PLCG2: variants seen among roughly 807,000 people sequenced by gnomAD.
PLCG2 encodes the protein phospholipase C gamma 2.
Under a neutral mutation model 175.6 loss-of-function variants are expected in PLCG2, and 69 were observed. That is an observed-to-expected ratio of 0.39 (90% confidence interval 0.32 to 0.48). PLCG2 has a LOEUF of 0.48. Ranked by LOEUF, PLCG2 falls within the 20% of genes least tolerant of loss-of-function variation. PLCG2 has a pLI of 0.91. For missense variants in PLCG2, 1,798 were observed against 1,650.9 expected, an observed-to-expected ratio of 1.09 and a Z score of -1.54; for synonymous variants, 827 against 624.0, an observed-to-expected ratio of 1.33 and a Z score of -4.85.
intron 27 of PLCG2, 127 bp downstream of exon 27, chr16:81,936,505 C>T (rs760400294): frequency 6.9e-5 from 51 of 737,876 alleles, no homozygotes; most frequent in South Asian, 1.8e-4. Context: ...AGGGACTGCA[C>T]GGTTCAGCAG....
chr16:81,864,830 G>A (rs1372868048), intron 5 of PLCG2, among the ~76,000 whole-genome samples: 2 of 152,134 alleles, frequency 1.3e-5, no homozygotes, highest in Non-Finnish European at 2.9e-5. Flanking sequence ...GGGGCCTCCC[G>A]GGCTGAGCAG....
At position 81,889,258 on chromosome 16, in the gene PLCG2, C is replaced by T. The variant is rs190687540; in HGVS notation, c.852C>T (p.Phe284=). The T allele has an allele frequency of 3.8e-6, 6 of 1,596,952 alleles. No individual in the cohort carries two copies. In the East Asian group the frequency reaches 1.1e-4, roughly 30 times the overall value. Residue 284 remains phenylalanine (F), a synonymous_variant, in exon 10 of 33, where the codon TTC becomes TTT. Coordinates refer to ENST00000564138, the MANE Select transcript of PLCG2 (RefSeq NM_002661.5). ...DDTMRETAEP[F]LFVDEFLTYL... ...CCATGCGTGAAACTGCTGAGCCTTTCTTGTTTGTGGATGAGGTGAGTAGGC... is the reference window on the plus strand; with the variant it reads ...CCATGCGTGAAACTGCTGAGCCTTTTTTGTTTGTGGATGAGGTGAGTAGGC...
intron 2 of PLCG2, among the ~76,000 whole-genome samples, chr16:81,786,583 G>C (rs1008179971): frequency 1.3e-4 from 20 of 152,156 alleles, no homozygotes; most frequent in Non-Finnish European, 2.8e-4. Context: ...ATGCTACCTT[G>C]TTTTACTGCA....
intron 9 of PLCG2, 67 bp downstream of exon 9, chr16:81,883,408 C>G: frequency 1.5e-6 from 2 of 1,309,628 alleles, no homozygotes; most frequent in Non-Finnish European, 2.2e-6. Context: ...TAGTCTCACC[C>G]TTCTGCCGCC....
At chr16:81,892,606 A>G (rs536586294) in intron 11 of PLCG2, among the ~76,000 whole-genome samples, 1 of 151,764 alleles carries the variant, frequency 6.6e-6, no homozygotes, top group Non-Finnish European at 1.5e-5. Flanking sequence ...GTGTTTCAGC[A>G]TGGTGAATTC....
intron 2 of PLCG2, among the ~76,000 whole-genome samples, chr16:81,840,787 CCT>C (rs1468794248): frequency 6.6e-6 from 1 of 152,178 alleles, no homozygotes; most frequent in African/African-American, 2.4e-5. Context: ...ATTGGGGACC[CCT>C]GTCTTGGAGG....
intron 2 of PLCG2, among the ~76,000 whole-genome samples, chr16:81,818,688 G>A (rs1379528998): frequency 2.0e-5 from 3 of 151,980 alleles, no homozygotes; most frequent in Non-Finnish European, 2.9e-5. Context: ...GGCACTGTGG[G>A]CAGCAGGAAA....
rs114663707 is a variant in PLCG2 at position 81,797,256 on chromosome 16, A to C, written c.193+11074A>C. ...TGAGTTGGGGGAGGGATCTAGTTAA[A>C]GATGTCCCTTGGTGAATCATTTTTG... is the stretch of plus-strand genomic sequence containing the variant. On this transcript the variant is annotated intron_variant, in intron 2 of 32. Coordinates refer to ENST00000564138, the MANE Select transcript of PLCG2 (RefSeq NM_002661.5). Among the ~76,000 whole-genome samples, 923 of 151,748 alleles carry C rather than the reference A, an allele frequency of 6.1e-3. 9 individuals carry two copies. The highest frequency in any genetic ancestry group is 0.021 in the African/African-American group (888 of 41,508).
chr16:81,916,173 C>T (rs11865090), intron 19 of PLCG2, among the ~76,000 whole-genome samples: 9,261 of 151,858 alleles, frequency 0.061, 373 homozygotes, highest in African/African-American at 0.11. Flanking sequence ...AATAAAATAT[C>T]ACTGGAAATA....
At chr16:81,743,269 C>T (rs775755914) in intron 1 of PLCG2, among the ~76,000 whole-genome samples, 3 of 152,216 alleles carry the variant, frequency 2.0e-5, no homozygotes, top group South Asian at 2.1e-4. Flanking sequence ...GAGGTTCACA[C>T]GAGCATGGGA....
chr16:81,767,650 T>C (rs1031679743), intron 2 of PLCG2: 5 of 152,214 alleles, frequency 3.3e-5, no homozygotes, highest in African/African-American at 9.6e-5. Context: ...CTGAGGTTTT[T>C]TTTAGTTCTA....
intron 2 of PLCG2, among the ~76,000 whole-genome samples, chr16:81,796,185 T>C (rs1911461590): frequency 6.6e-6 from 1 of 152,246 alleles, no homozygotes; most frequent in African/African-American, 2.4e-5. Flanking sequence ...GAGCTGCTGA[T>C]GGTGATGTCT....
chr16:81,925,484 G>T lies in PLCG2; in HGVS notation c.2418-1598G>T, dbSNP rs1182101248. 4.6e-5 allele frequency among the ~76,000 whole-genome samples: 7 copies of T among 152,312 alleles called. No individual in the cohort carries two copies. The South Asian group carries it at 1.4e-3, about 32-fold the overall frequency. Reference sequence around the variant, plus strand: ...GCGTGAAAAGGGCTTACAACCCGCAGTCCTGTGTCTCTGCTAGGTGAATTG... The same window carrying T: ...GCGTGAAAAGGGCTTACAACCCGCATTCCTGTGTCTCTGCTAGGTGAATTG... On this transcript the variant is annotated intron_variant, in intron 22 of 32. Coordinates refer to ENST00000564138, the MANE Select transcript of PLCG2 (RefSeq NM_002661.5).
At chr16:81,890,411 G>T (rs551258241) in intron 10 of PLCG2, among the ~76,000 whole-genome samples, 1 of 152,202 alleles carries the variant, frequency 6.6e-6, no homozygotes, top group Non-Finnish European at 1.5e-5. Context: ...GCAAGATAGA[G>T]GTTGGTTAGA....
chr16:81,918,490 C>T (rs1213360489), intron 19 of PLCG2, among the ~76,000 whole-genome samples: 1 of 152,156 alleles, frequency 6.6e-6, no homozygotes, highest in Non-Finnish European at 1.5e-5. Flanking sequence ...CCCAACCCTA[C>T]TTATTTAACA....
intron 2 of PLCG2, among the ~76,000 whole-genome samples, chr16:81,815,170 C>A (rs1176340272): frequency 1.3e-5 from 2 of 152,146 alleles, no homozygotes; most frequent in African/African-American, 4.8e-5. Flanking sequence ...CTCTGGAACG[C>A]CTCTTCATGC....
At chr16:81,905,916 T>A (rs1289038389) in intron 15 of PLCG2, among the ~76,000 whole-genome samples, 2 of 152,236 alleles carry the variant, frequency 1.3e-5, no homozygotes, top group African/African-American at 2.4e-5. Flanking sequence ...CACCTTGGCC[T>A]CTCAAAGTGC....
At chr16:81,946,459 T>C (rs939320371) in intron 31 of PLCG2, among the ~76,000 whole-genome samples, 196 bp downstream of exon 31, 2 of 152,168 alleles carry the variant, frequency 1.3e-5, no homozygotes, top group African/African-American at 4.8e-5. Context: ...CATCCTCCTT[T>C]CCTGGAGAAT....
intron 4 of PLCG2, among the ~76,000 whole-genome samples, chr16:81,858,831 A>G (rs1906818247): frequency 7.1e-6 from 1 of 140,730 alleles, no homozygotes; most frequent in South Asian, 2.5e-4. Context: ...AAAGTCCTCT[A>G]CTTTTTACTA....
Sources: allele counts gnomAD v4.1 joint callset (sites outside exome capture counted in the v4.1 genomes callset), GRCh38; gene constraint gnomAD v4.1.1; transcripts MANE v1.5; gene names NCBI Gene and HGNC (gene_info 2026-07-23, HGNC 2026-07-21).